Variants in COL4A4 observed in about 807,000 individuals in gnomAD.
COL4A4 encodes collagen alpha-4(IV) chain.
Under a neutral mutation model 192.9 loss-of-function variants are expected in COL4A4, and 105 were observed. That is an observed-to-expected ratio of 0.54 (90% confidence interval 0.46 to 0.64). The LOEUF (loss-of-function observed/expected upper bound fraction) is 0.64, where lower values mean the gene tolerates loss of function less well. COL4A4 is among the 30% of genes least tolerant of loss of function. The probability of loss-of-function intolerance (pLI) is 0.00; values close to 1 mark genes in which losing one functional copy is unlikely to be tolerated. For missense variants in COL4A4, 1,967 were observed against 2,169.3 expected (o/e 0.91, Z 1.85); for synonymous variants, 762 against 769.9 (o/e 0.99, Z 0.17).
chr2:227,161,722 C>T (rs1316278691), intron 1 of COL4A4, among the ~76,000 whole-genome samples: 1 of 152,064 alleles, frequency 6.6e-6, no homozygotes, highest in Non-Finnish European at 1.5e-5. Flanking sequence ...CAGAGTGAGA[C>T]CAGAGACTCT....
intron 3 of COL4A4, among the ~76,000 whole-genome samples, chr2:227,141,690 C>T (rs952862801): frequency 6.6e-6 from 1 of 151,892 alleles, no homozygotes; most frequent in African/African-American, 2.4e-5. Context: ...GAGAGTCAAG[C>T]GATTAGATAG....
chr2:227,002,437 T>TAAGC (rs1210512708), downstream of COL4A4, among the ~76,000 whole-genome samples: 1 of 152,200 alleles, frequency 6.6e-6, no homozygotes, highest in East Asian at 1.9e-4. Flanking sequence ...CAAGAGGGTG[T>TAAGC]AAGCCCCATG....
In COL4A4 at chr2:227,114,659, A is replaced by G; in HGVS notation, c.527T>C (p.Val176Ala). Residue 176 changes from valine to alanine, a missense_variant, in exon 8 of 48, where the codon GTG becomes GCG. By Grantham distance (64) the Val-to-Ala change is moderately conservative. Coordinates refer to ENST00000396625, the MANE Select transcript of COL4A4 (RefSeq NM_000092.5). ...PGEKGEKGNS[V>A]FILGAVKGIQ... is the part of the protein sequence containing the mutation. ...ACCTTTAACGGCACCTAAAATGAACACTGAATTTCCTTTTTCTCCCTTTTC... is the reference window on the plus strand; with the variant it reads ...ACCTTTAACGGCACCTAAAATGAACGCTGAATTTCCTTTTTCTCCCTTTTC... 2 of 1,614,086 alleles carry G rather than the reference A, an allele frequency of 1.2e-6. No homozygotes were observed. Among genetic ancestry groups the G allele is most frequent in the East Asian group, 2.2e-5 (1 of 44,868 alleles).
At chr2:226,970,170 A>G in the COL4A4 span, among the ~76,000 whole-genome samples, 2 of 151,846 alleles carry the variant, frequency 1.3e-5, no homozygotes, top group Non-Finnish European at 2.9e-5. Context: ...GCACTGTGCT[A>G]TGTGATCCTT....
intron 36 of COL4A4, among the ~76,000 whole-genome samples, chr2:227,042,862 T>C (rs1368505329): frequency 6.6e-6 from 1 of 152,234 alleles, no homozygotes. Flanking sequence ...GCTAGGCACT[T>C]TACAGGTGCT....
rs1451482524 is a variant in COL4A4 at position 227,045,911 on chromosome 2, G to A, written c.3289+1564C>T. On this transcript the variant is annotated intron_variant, in intron 35 of 47. Coordinates refer to ENST00000396625, the MANE Select transcript of COL4A4 (RefSeq NM_000092.5). ...ATATATATTTAGATAGTATATATAT[G>A]TATGTATATGTATATGTATATATGT... 4.1e-4 allele frequency among the ~76,000 whole-genome samples: 18 copies of A among 43,956 alleles called. 1 individual carries two copies. The highest frequency in any genetic ancestry group is 1.1e-3 in the African/African-American group (14 of 12,302). The allele number at this position is 43,956 out of a possible 152,430, so 28.8% of individuals were successfully genotyped here. A position where few individuals can be genotyped will look rare whatever the true frequency, so the allele number is the denominator to read the frequency against.
chr2:227,055,623 CA>C (rs1975143150), intron 30 of COL4A4, among the ~76,000 whole-genome samples: 1 of 152,186 alleles, frequency 6.6e-6, no homozygotes. Context: ...AATCCCCTAA[CA>C]GGGGGTAGGG....
chr2:227,007,977 A>C, intron 47 of COL4A4, 41 bp downstream of exon 47: 1 of 1,599,270 alleles, frequency 6.3e-7, no homozygotes, highest in Non-Finnish European at 8.5e-7. Flanking sequence ...GGTGTTAGGA[A>C]ATGGTGAATG....
chr2:227,054,711 C>G lies in COL4A4; in HGVS notation c.2743G>C (p.Gly915Arg). ...KGPRGLPGFP[G>R]FPGERGKPGA... ...GGCTTTCCTCTTTCTCCGGGAAAAC[C>G]TGGGAAACCAGGCAGCCCCCGGGGT... The change falls in exon 31 of 48, where the codon GGT (glycine) becomes CGT (arginine). Residue 915 changes from glycine to arginine, a missense_variant. Transcript: ENST00000396625. 1.9e-6 allele frequency: 3 copies of G among 1,614,188 alleles called. No individual in the cohort carries two copies. Among genetic ancestry groups the G allele is most frequent in the Non-Finnish European group, 2.5e-6 (3 of 1,180,048 alleles).
In COL4A4 at chr2:227,028,167, T is replaced by C. The variant is rs555561947; in HGVS notation, c.3974-158A>G. Among the ~76,000 whole-genome samples, 10 of 152,308 alleles carry C rather than the reference T, an allele frequency of 6.6e-5. No homozygotes were observed. The East Asian group carries it at 1.9e-3, about 29-fold the overall frequency. On this transcript the variant is annotated intron_variant, in intron 41 of 47. Transcript: ENST00000396625. The stretch of plus-strand genomic sequence containing the variant: ...TAGCCTCGCCTTCTTCTGTGAGGCT[T>C]AGACGGGTTGCCTCTGAAGGAAACA...
chr2:227,118,750 C>T lies in COL4A4; in HGVS notation c.384G>A (p.Gly128=), dbSNP rs756012314. The change falls in exon 7 of 48, where the codon GGG becomes GGA. Residue 128 remains glycine (G), a synonymous_variant. Transcript: ENST00000396625. ...CAGGTTTGCCTCTGGGTCCAGGAGG[C>T]CCTGGGTGCCCCTGCAGAAAACAAA... is the stretch of plus-strand genomic sequence containing the variant. ...PGLDGIPGHP[G]PPGPRGKPGM... 14 of 1,612,444 alleles carry T rather than the reference C, an allele frequency of 8.7e-6. No homozygotes were observed. The highest frequency in any genetic ancestry group is 8.0e-5 in the African/African-American group (6 of 74,904).
chr2:226,978,955 C>A, the COL4A4 span, among the ~76,000 whole-genome samples: 1 of 152,082 alleles, frequency 6.6e-6, no homozygotes, highest in Non-Finnish European at 1.5e-5. Flanking sequence ...TGTTAGAGTT[C>A]TTCAGAGGGA....
chr2:227,074,882 G>A (rs2058935955), intron 25 of COL4A4, among the ~76,000 whole-genome samples: 2 of 152,066 alleles, frequency 1.3e-5, no homozygotes, highest in Non-Finnish European at 2.9e-5. Flanking sequence ...GTGATATAAT[G>A]GACTTCAGAG....
At chr2:226,991,378 C>T in the COL4A4 span, among the ~76,000 whole-genome samples, 1 of 152,118 alleles carries the variant, frequency 6.6e-6, no homozygotes, top group Non-Finnish European at 1.5e-5. Context: ...GTCGGGGTTT[C>T]ACCACGTTGG....
intron 42 of COL4A4, among the ~76,000 whole-genome samples, chr2:227,026,498 CAAAAAAAAA>C (rs1223060129): frequency 1.4e-5 from 1 of 72,832 alleles, no homozygotes; most frequent in African/African-American, 4.6e-5. Flanking sequence ...GACTCCGTCT[CAAAAAAAAA>C]AAAAAAAAGA....
chr2:227,121,808 T>C (rs2061814181), intron 4 of COL4A4, among the ~76,000 whole-genome samples: 1 of 152,190 alleles, frequency 6.6e-6, no homozygotes. Context: ...ATTATAGTTA[T>C]CTTACTATTT....
chr2:227,059,718 A>G (rs1976416031), intron 27 of COL4A4, 95 bp from the exon 28 acceptor site: 1 of 956,150 alleles, frequency 1.0e-6, no homozygotes, highest in Non-Finnish European at 1.7e-6. Flanking sequence ...CTTTTCTTAA[A>G]AACACAGGGG....
chr2:227,042,084 A>C, intron 37 of COL4A4, 64 bp downstream of exon 37: 2 of 1,008,024 alleles, frequency 2.0e-6, no homozygotes, highest in South Asian at 2.5e-5. Flanking sequence ...CAGGAAAAAA[A>C]CACCATCAAT....
At chr2:227,088,919 C>G in intron 21 of COL4A4, 103 bp from the exon 22 acceptor site, 1 of 1,340,930 alleles carries the variant, frequency 7.5e-7, no homozygotes, top group Non-Finnish European at 1.1e-6. Context: ...AACAAAGAGT[C>G]CGATATGCAC....
Sources: allele counts gnomAD v4.1 joint callset (sites outside exome capture counted in the v4.1 genomes callset), GRCh38; gene constraint gnomAD v4.1.1; transcripts MANE v1.5; gene names NCBI Gene and HGNC (gene_info 2026-07-23, HGNC 2026-07-21).